Variants in AFG2A observed in about 807,000 individuals in gnomAD.
AFG2A encodes ATPase family gene 2 protein homolog A.
At chr4:122,978,799 T>C in the AFG2A span, among the ~76,000 whole-genome samples, 1 of 152,236 alleles carries the variant, frequency 6.6e-6, no homozygotes, top group Non-Finnish European at 1.5e-5. Context: ...CTTGAGCACA[T>C]GAACACCTAG....
At chr4:123,231,147 G>C in the AFG2A span, among the ~76,000 whole-genome samples, 4 of 152,004 alleles carry the variant, frequency 2.6e-5, no homozygotes, top group African/African-American at 9.6e-5. Context: ...TTGAAGCCAG[G>C]CATTGATTTC....
At chr4:123,027,094 G>A in the AFG2A span, among the ~76,000 whole-genome samples, 1 of 151,984 alleles carries the variant, frequency 6.6e-6, no homozygotes, top group African/African-American at 2.4e-5. Flanking sequence ...TTCAGTATCT[G>A]CATGTGTTTA....
the AFG2A span, among the ~76,000 whole-genome samples, chr4:123,169,573 G>T: frequency 6.6e-6 from 1 of 152,136 alleles, no homozygotes; most frequent in Non-Finnish European, 1.5e-5. Flanking sequence ...TGCTTCCCGG[G>T]CTTCAAGCAG....
the AFG2A span, chr4:122,929,192 A>C: frequency 6.3e-7 from 1 of 1,580,474 alleles, no homozygotes; most frequent in South Asian, 1.2e-5. Flanking sequence ...TGGATGTGGC[A>C]CTGAGGTTTG....
At chr4:122,935,815 G>C in the AFG2A span, 1 of 1,611,562 alleles carries the variant, frequency 6.2e-7, no homozygotes, top group Non-Finnish European at 8.5e-7. Flanking sequence ...CTATGTTTCT[G>C]TAATTAATGG....
At chr4:123,283,205 A>G in the AFG2A span, among the ~76,000 whole-genome samples, 1 of 152,206 alleles carries the variant, frequency 6.6e-6, no homozygotes, top group Admixed American at 6.5e-5. Flanking sequence ...TTTATAAAAT[A>G]TTAAATTCTG....
chr4:123,237,542 G>A, the AFG2A span, among the ~76,000 whole-genome samples: 1 of 152,002 alleles, frequency 6.6e-6, no homozygotes, highest in African/African-American at 2.4e-5. Context: ...GTGTGGTGGT[G>A]CCTGCCTGTA....
the AFG2A span, among the ~76,000 whole-genome samples, chr4:123,218,285 A>C: frequency 6.6e-6 from 1 of 152,212 alleles, no homozygotes; most frequent in Non-Finnish European, 1.5e-5. Flanking sequence ...TGGATGGAAG[A>C]AAACAGAGAC....
At chr4:123,108,623 A>C in the AFG2A span, among the ~76,000 whole-genome samples, 1 of 152,190 alleles carries the variant, frequency 6.6e-6, no homozygotes. Flanking sequence ...AGCCAGTTGT[A>C]AAACGAGTGC....
chr4:123,068,539 G>A, the AFG2A span, among the ~76,000 whole-genome samples: 6,204 of 152,078 alleles, frequency 0.041, 412 homozygotes, highest in African/African-American at 0.14. Context: ...TAATCAAGTA[G>A]CTCCACATAG....
the AFG2A span, chr4:123,314,049 G>A: frequency 1.9e-6 from 3 of 1,593,726 alleles, no homozygotes; most frequent in East Asian, 4.5e-5. Context: ...AGAAGAGTGG[G>A]CTGCATACAC....
At chr4:123,082,555 T>C in the AFG2A span, among the ~76,000 whole-genome samples, 1 of 150,724 alleles carries the variant, frequency 6.6e-6, no homozygotes, top group South Asian at 2.1e-4. Flanking sequence ...TACCACACTG[T>C]TTTGATTACT....
At chr4:123,226,170 G>A in the AFG2A span, among the ~76,000 whole-genome samples, 1 of 152,166 alleles carries the variant, frequency 6.6e-6, no homozygotes, top group African/African-American at 2.4e-5. Context: ...GGGACAATTT[G>A]ACTTCCTCTT....
chr4:123,064,262 G>T, the AFG2A span, among the ~76,000 whole-genome samples: 142 of 152,144 alleles, frequency 9.3e-4, no homozygotes, highest in Admixed American at 3.9e-4. Flanking sequence ...GCTGTTAAGG[G>T]TAACATAGCT....
At chr4:123,160,223 C>A in the AFG2A span, among the ~76,000 whole-genome samples, 1 of 152,110 alleles carries the variant, frequency 6.6e-6, no homozygotes, top group South Asian at 2.1e-4. Flanking sequence ...TGCCACAACA[C>A]AGCATGCTAA....
At chr4:123,186,168 T>A in the AFG2A span, among the ~76,000 whole-genome samples, 1 of 152,176 alleles carries the variant, frequency 6.6e-6, no homozygotes, top group Admixed American at 6.5e-5. Context: ...TGACAAAAAT[T>A]CTATAGGTTT....
At chr4:123,202,777 A>C in the AFG2A span, among the ~76,000 whole-genome samples, 1 of 152,072 alleles carries the variant, frequency 6.6e-6, no homozygotes, top group Non-Finnish European at 1.5e-5. Context: ...TCTCTTGCGT[A>C]CTCCTTTATA....
chr4:122,938,094 TGA>T, the AFG2A span: 2 of 1,553,286 alleles, frequency 1.3e-6, no homozygotes, highest in South Asian at 1.3e-5. Flanking sequence ...CAAATATAGA[TGA>T]GAGATTTCAT....
the AFG2A span, among the ~76,000 whole-genome samples, chr4:122,967,993 A>G: frequency 6.6e-6 from 1 of 152,114 alleles, no homozygotes. Context: ...TTAAATTAAT[A>G]GACTTTTTTT....
Sources: allele counts gnomAD v4.1 joint callset (sites outside exome capture counted in the v4.1 genomes callset), GRCh38; gene constraint gnomAD v4.1.1; transcripts MANE v1.5; gene names NCBI Gene and HGNC (gene_info 2026-07-23, HGNC 2026-07-21).